CORIN: variants seen among roughly 807,000 people sequenced by gnomAD.
The protein encoded by CORIN is atrial natriuretic peptide-converting enzyme.
CORIN carries 117 observed loss-of-function variants against 125.3 expected under a neutral mutation model. That is an observed-to-expected ratio of 0.93 (90% CI 0.80 to 1.09). CORIN has a LOEUF of 1.09. Ranked by LOEUF, CORIN falls within the 50% of genes least tolerant of loss-of-function variation. CORIN has a pLI of 0.00. For missense variants in CORIN, 1,253 were observed against 1,306.7 expected, an observed-to-expected ratio of 0.96 and a Z score of 0.63; for synonymous variants, 450 against 466.4, an observed-to-expected ratio of 0.96 and a Z score of 0.45.
At chr4:47,781,790 T>C (rs751874180) in intron 3 of CORIN, among the ~76,000 whole-genome samples, 1 of 151,818 alleles carries the variant, frequency 6.6e-6, no homozygotes, top group Non-Finnish European at 1.5e-5. Flanking sequence ...ATACAAAAAT[T>C]AGCCAGGCAT....
At chr4:47,641,464 C>A (rs559817027) in intron 16 of CORIN, among the ~76,000 whole-genome samples, 5 of 152,282 alleles carry the variant, frequency 3.3e-5, no homozygotes, top group African/African-American at 1.2e-4. Context: ...TACTAAGAAG[C>A]AAATATACTG....
chr4:47,812,607 G>C (rs1165556242), intron 1 of CORIN, among the ~76,000 whole-genome samples: 1 of 152,172 alleles, frequency 6.6e-6, no homozygotes, highest in Non-Finnish European at 1.5e-5. Context: ...ATGCATCATA[G>C]ACTATAGGAA....
chr4:47,740,151 T>C (rs1050840212), intron 5 of CORIN, among the ~76,000 whole-genome samples: 10 of 151,968 alleles, frequency 6.6e-5, no homozygotes, highest in African/African-American at 2.4e-4. Context: ...GAGATTCAAT[T>C]ATATACTGTG....
At chr4:47,613,958 TAA>T (rs202186560) in intron 19 of CORIN, among the ~76,000 whole-genome samples, 2,768 of 145,212 alleles carry the variant, frequency 0.019, 88 homozygotes, top group African/African-American at 0.065. Flanking sequence ...TAAAGTATAA[TAA>T]AAAAAAAAAA....
intron 5 of CORIN, among the ~76,000 whole-genome samples, chr4:47,720,367 C>A (rs1316410510): frequency 6.6e-6 from 1 of 152,182 alleles, no homozygotes; most frequent in Non-Finnish European, 1.5e-5. Context: ...TGAGACCAAA[C>A]CTCTAAATTT....
intron 5 of CORIN, among the ~76,000 whole-genome samples, chr4:47,713,923 TG>T (rs1402576993): frequency 6.6e-6 from 1 of 152,150 alleles, no homozygotes; most frequent in East Asian, 1.9e-4. Context: ...ACTTATATTC[TG>T]AGTAATTTGG....
intron 20 of CORIN, among the ~76,000 whole-genome samples, chr4:47,600,891 A>C (rs1696265379): frequency 6.6e-6 from 1 of 152,356 alleles, no homozygotes; most frequent in Non-Finnish European, 1.5e-5. Context: ...AGAGATATCG[A>C]AAAGCACAAA....
intron 17 of CORIN, among the ~76,000 whole-genome samples, chr4:47,624,315 C>G (rs2292105): frequency 0.27 from 40,793 of 151,824 alleles, 5,597 homozygotes; most frequent in Admixed American, 0.35. Flanking sequence ...AACTACAGTT[C>G]TCAAGGGGAG....
At chr4:47,657,267 C>T (rs1724027831) in intron 12 of CORIN, among the ~76,000 whole-genome samples, 1 of 152,144 alleles carries the variant, frequency 6.6e-6, no homozygotes, top group Non-Finnish European at 1.5e-5. Context: ...GGCGTGGTGG[C>T]TCATGCCTGT....
chr4:47,642,576 A>G (rs1294781082), intron 15 of CORIN, among the ~76,000 whole-genome samples: 1 of 152,252 alleles, frequency 6.6e-6, no homozygotes, highest in Non-Finnish European at 1.5e-5. Context: ...GAGAATCATG[A>G]TTTGGCTGGA....
intron 3 of CORIN, among the ~76,000 whole-genome samples, chr4:47,778,734 G>A (rs1160586169): frequency 6.6e-6 from 1 of 152,176 alleles, no homozygotes; most frequent in Admixed American, 6.5e-5. Context: ...TAAAGGATAT[G>A]ATTTAATATA....
At chr4:47,765,716 G>A (rs1046371859) in intron 3 of CORIN, among the ~76,000 whole-genome samples, 2 of 152,214 alleles carry the variant, frequency 1.3e-5, no homozygotes, top group African/African-American at 4.8e-5. Flanking sequence ...TGATAGGTGA[G>A]AAATTATATT....
intron 5 of CORIN, among the ~76,000 whole-genome samples, chr4:47,705,218 G>A (rs571995472): frequency 6.6e-6 from 1 of 152,112 alleles, no homozygotes; most frequent in South Asian, 2.1e-4. Context: ...TTTTCTCCCA[G>A]TGTTTCCTGT....
chr4:47,766,542 TA>T (rs1462177169), intron 3 of CORIN, among the ~76,000 whole-genome samples: 3 of 151,936 alleles, frequency 2.0e-5, no homozygotes, highest in Non-Finnish European at 4.4e-5. Context: ...TGTGCCCAGA[TA>T]AAAATGGGGA....
intron 2 of CORIN, among the ~76,000 whole-genome samples, chr4:47,797,375 C>T (rs192339564): frequency 1.7e-3 from 265 of 151,854 alleles, no homozygotes; most frequent in Middle Eastern, 3.4e-3. Flanking sequence ...CAAACCATTG[C>T]AGGTTTAGTT....
intron 19 of CORIN, among the ~76,000 whole-genome samples, chr4:47,623,096 C>CTCTCTCTCTCTCTCTCTATA (rs771867590): frequency 1.1e-4 from 11 of 102,300 alleles, no homozygotes; most frequent in East Asian, 4.0e-4. Flanking sequence ...CTCTCTCTCT[C>CTCTCTCTCTCTCTCTCTATA]TATATATATA....
intron 6 of CORIN, among the ~76,000 whole-genome samples, 155 bp downstream of exon 6, chr4:47,692,815 G>A (rs116597589): frequency 7.0e-4 from 107 of 152,282 alleles, no homozygotes; most frequent in African/African-American, 2.5e-3. Context: ...GCCTTTGAAA[G>A]GTGTGCAAAC....
chr4:47,658,278 T>C (rs771647327), intron 12 of CORIN, among the ~76,000 whole-genome samples: 1 of 152,232 alleles, frequency 6.6e-6, no homozygotes, highest in Non-Finnish European at 1.5e-5. Context: ...CTCCATATCC[T>C]GCATACAGGG....
At chr4:47,676,295 C>G (rs1003022849) in intron 9 of CORIN, among the ~76,000 whole-genome samples, 2 of 152,174 alleles carry the variant, frequency 1.3e-5, no homozygotes, top group South Asian at 2.1e-4. Flanking sequence ...CCTACACATG[C>G]CTTGCACCTT....
Sources: gnomAD v4.1 joint callset for allele counts (sites outside exome capture counted in the v4.1 genomes callset) on GRCh38, gnomAD v4.1.1 for gene constraint, MANE v1.5 for transcripts, NCBI Gene and HGNC (gene_info 2026-07-23, HGNC 2026-07-21) for gene names.